The following YTHDC2 variants were observed in gnomAD, a reference collection of about 807,000 sequenced individuals.
YTHDC2 encodes YTH N6-methyladenosine RNA binding protein C2.
YTHDC2 carries 45 observed loss-of-function variants against 174.9 expected under a neutral mutation model. That is an observed-to-expected ratio of 0.26 (90% confidence interval 0.20 to 0.33). The LOEUF is 0.33. Among genes scored for constraint, YTHDC2 ranks in the 10% least tolerant of loss-of-function variants. The probability of loss-of-function intolerance (pLI) is 1.00; values close to 1 mark genes in which losing one functional copy is unlikely to be tolerated. For missense variants in YTHDC2, 1,650 were observed against 1,723.7 expected (o/e 0.96, Z 0.76); for synonymous variants, 657 against 574.5 (o/e 1.14, Z -2.05).
In YTHDC2 at chr5:113,592,175, G is replaced by A. The variant is rs1009973281; in HGVS notation, c.4209G>A (p.Gly1403=). 3.7e-6 allele frequency: 6 copies of A among 1,604,280 alleles called. No individual in the cohort carries two copies. Among genetic ancestry groups the A allele is most frequent in the Non-Finnish European group, 5.1e-6 (6 of 1,176,750 alleles). The change falls in exon 28 of 30, where the codon GGG becomes GGA. Residue 1403 remains glycine (G), a synonymous_variant. Coordinates refer to ENST00000161863, the MANE Select transcript of YTHDC2 (RefSeq NM_022828.5). ...DNKKVQISRD[G]QELEPLVGEQ... Reference sequence around the variant, plus strand: ...AGAAAGTGCAGATAAGCAGGGATGGGCAGGTATACAATGGCATTTTTTTTT... The same window carrying A: ...AGAAAGTGCAGATAAGCAGGGATGGACAGGTATACAATGGCATTTTTTTTT...
intron 6 of YTHDC2, among the ~76,000 whole-genome samples, chr5:113,535,239 A>G (rs1427247262): frequency 2.0e-5 from 3 of 152,216 alleles, no homozygotes; most frequent in South Asian, 2.1e-4. Flanking sequence ...TCCCTAAAGA[A>G]TACAGTGTAA....
Position 113,532,986 on chromosome 5 carries a change from C to G in YTHDC2, c.783C>G (p.Ala261=), listed in dbSNP as rs142475090. 6.2e-7 allele frequency: 1 copy of G among 1,614,080 alleles called. No individual in the cohort carries two copies. The highest frequency in any genetic ancestry group is 8.5e-7 in the Non-Finnish European group (1 of 1,180,032). The stretch of plus-strand genomic sequence containing the variant: ...CTATCGCTGTGGCTGAAAGAGTTGC[C>G]GCAGAGAGACGGGAAAGGATTGGTC... ...LAAIAVAERV[A]AERRERIGQT... Residue 261 remains alanine, a synonymous_variant, in exon 5 of 30, where the codon GCC becomes GCG. Coordinates refer to ENST00000161863, the MANE Select transcript of YTHDC2 (RefSeq NM_022828.5).
chr5:113,528,860 G>A (rs1398705890), intron 4 of YTHDC2, among the ~76,000 whole-genome samples: 2 of 152,146 alleles, frequency 1.3e-5, no homozygotes, highest in African/African-American at 4.8e-5. Flanking sequence ...CTGCATTACT[G>A]TCAGAATCTC....
chr5:113,530,257 A>T (rs1309130530), intron 4 of YTHDC2, among the ~76,000 whole-genome samples: 3 of 151,576 alleles, frequency 2.0e-5, no homozygotes, highest in Admixed American at 1.3e-4. Context: ...CCTTCCCCCG[A>T]CCTCCCCTAC....
intron 7 of YTHDC2, among the ~76,000 whole-genome samples, chr5:113,536,747 T>C (rs563136876): frequency 4.0e-5 from 6 of 150,516 alleles, no homozygotes; most frequent in African/African-American, 1.5e-4. Flanking sequence ...AAATTGGCTT[T>C]ATGGATTTAT....
At chr5:113,571,972 C>G (rs1262322630) in intron 23 of YTHDC2, among the ~76,000 whole-genome samples, 1 of 152,128 alleles carries the variant, frequency 6.6e-6, no homozygotes, top group African/African-American at 2.4e-5. Context: ...CTATCGCCTT[C>G]ACTTCTGCTC....
chr5:113,539,690 T>A (rs541401196), intron 8 of YTHDC2, among the ~76,000 whole-genome samples: 10 of 152,340 alleles, frequency 6.6e-5, no homozygotes, highest in African/African-American at 2.2e-4. Flanking sequence ...CAGATTTCTT[T>A]TTCTTAATTT....
chr5:113,564,321 C>G (rs1050225797), intron 20 of YTHDC2, among the ~76,000 whole-genome samples, 190 bp downstream of exon 20: 1 of 151,982 alleles, frequency 6.6e-6, no homozygotes, highest in Non-Finnish European at 1.5e-5. Flanking sequence ...CAGTTTTGCT[C>G]TTTTTTCCCA....
intron 2 of YTHDC2, among the ~76,000 whole-genome samples, chr5:113,515,651 G>A (rs1158370620): frequency 6.6e-6 from 1 of 152,020 alleles, no homozygotes; most frequent in Non-Finnish European, 1.5e-5. Flanking sequence ...ACTGATAAAA[G>A]ACATATTAAC....
intron 18 of YTHDC2, among the ~76,000 whole-genome samples, chr5:113,561,980 G>A (rs1026720121): frequency 4.0e-5 from 6 of 149,774 alleles, no homozygotes; most frequent in Non-Finnish European, 8.9e-5. Context: ...GTGTGTGTGT[G>A]TGTGTGTGTG....
At chr5:113,570,691 C>T (rs913645998) in intron 23 of YTHDC2, among the ~76,000 whole-genome samples, 33 of 152,064 alleles carry the variant, frequency 2.2e-4, no homozygotes, top group African/African-American at 7.7e-4. Flanking sequence ...CACTTTGCCG[C>T]CCAGGTTGGA....
At chr5:113,586,473 C>G (rs1384494705) in intron 26 of YTHDC2, among the ~76,000 whole-genome samples, 1 of 151,752 alleles carries the variant, frequency 6.6e-6, no homozygotes, top group Admixed American at 6.6e-5. Context: ...CTTTCCATTT[C>G]CTTAACAGTG....
intron 5 of YTHDC2, 33 bp downstream of exon 5, chr5:113,533,078 T>C (rs1774791366): frequency 6.2e-7 from 1 of 1,606,378 alleles, no homozygotes; most frequent in African/African-American, 1.3e-5. Flanking sequence ...TTCTCTTTTA[T>C]CATGCTTAAA....
chr5:113,593,258 C>A, intron 28 of YTHDC2, 45 bp from the exon 29 acceptor site: 1 of 1,494,738 alleles, frequency 6.7e-7, no homozygotes, highest in Non-Finnish European at 9.3e-7. Context: ...TAAAAATTTT[C>A]ACTCCAGTTC....
At chr5:113,578,961 T>C (rs1021750978) in intron 23 of YTHDC2, among the ~76,000 whole-genome samples, 18 of 152,252 alleles carry the variant, frequency 1.2e-4, no homozygotes, top group African/African-American at 3.8e-4. Context: ...TATTTTATAA[T>C]GCATTCTGTA....
rs1035723523 is a variant in YTHDC2 at position 113,584,245 on chromosome 5, A to G, written c.3648-57A>G. On this transcript the variant is annotated intron_variant, in intron 25 of 29. Transcript: ENST00000161863. ...TGTATTATAAACTTATACATAACTG[A>G]TCTTTGTATGACGAACTTATATATA... The G allele has an allele frequency of 7.6e-6, 11 of 1,456,760 alleles. No individual in the cohort carries two copies. The East Asian group carries it at 2.5e-4, about 33-fold the overall frequency. The allele number at this position is 1,456,760 out of a possible 1,614,324, so 90.2% of individuals were successfully genotyped here. A position where few individuals can be genotyped will look rare whatever the true frequency, so the allele number is the denominator to read the frequency against.
intron 18 of YTHDC2, among the ~76,000 whole-genome samples, chr5:113,562,069 A>G (rs981646645): frequency 2.0e-5 from 3 of 149,060 alleles, no homozygotes; most frequent in African/African-American, 7.5e-5. Context: ...GAATGCGTTT[A>G]TTTGATTCTT....
intron 4 of YTHDC2, among the ~76,000 whole-genome samples, chr5:113,529,777 C>T (rs539846001): frequency 2.6e-5 from 4 of 151,988 alleles, no homozygotes; most frequent in Admixed American, 1.3e-4. Flanking sequence ...AAAATAATTT[C>T]TCCCAATTTT....
intron 18 of YTHDC2, among the ~76,000 whole-genome samples, chr5:113,561,473 A>ATT (rs33978462): frequency 0.29 from 39,595 of 138,284 alleles, 7,487 homozygotes; most frequent in African/African-American, 0.52. Context: ...ATCTATCTAT[A>ATT]TTTTTTTTTT....
Sources: allele counts gnomAD v4.1 joint callset (sites outside exome capture counted in the v4.1 genomes callset), GRCh38; gene constraint gnomAD v4.1.1; transcripts MANE v1.5; gene names NCBI Gene and HGNC (gene_info 2026-07-23, HGNC 2026-07-21).